TDP2: variants seen among roughly 807,000 people sequenced by gnomAD.
TDP2 encodes the protein tyrosyl-DNA phosphodiesterase 2.
TDP2 carries 38 observed loss-of-function variants against 42.8 expected under a neutral mutation model. The observed-to-expected ratio is 0.89, with a 90% CI of 0.68 to 1.16. TDP2 has a LOEUF of 1.16. Among genes scored for constraint, TDP2 ranks in the 50% most tolerant of loss-of-function variants. The pLI is 0.00. For synonymous variants in TDP2, 173 were observed against 150.6 expected, an observed-to-expected ratio of 1.15 and a Z score of -1.09; for missense variants, 439 against 439.3, an observed-to-expected ratio of 1.00 and a Z score of 0.01.
Position 24,658,607 on chromosome 6 carries a change from T to G in TDP2, c.379A>C (p.Asn127His). 6.2e-7 allele frequency: 1 copy of G among 1,613,912 alleles called. No homozygotes were observed. Among genetic ancestry groups the G allele is most frequent in the Non-Finnish European group, 8.5e-7 (1 of 1,179,846 alleles). Residue 127 changes from asparagine to histidine, a missense_variant, in exon 3 of 7, where the codon AAC becomes CAC. Asn to His is a moderately conservative substitution (Grantham distance 68). Coordinates refer to ENST00000378198, the MANE Select transcript of TDP2 (RefSeq NM_016614.3). Reference protein sequence around the residue: ...ITWNIDGLDLNNLSERARGVC... With the variant: ...ITWNIDGLDLHNLSERARGVC... Reference sequence around the variant, plus strand: ...CCTCGAGCCCTCTCTGACAGATTGTTTAGATCTAATCCATCAATATTCCAG... The same window carrying G: ...CCTCGAGCCCTCTCTGACAGATTGTGTAGATCTAATCCATCAATATTCCAG...
At chr6:24,655,062 GA>G (rs1010497408) in intron 4 of TDP2, among the ~76,000 whole-genome samples, 3 of 151,594 alleles carry the variant, frequency 2.0e-5, no homozygotes, top group African/African-American at 4.8e-5. Flanking sequence ...AAATAAAAAT[GA>G]AAAAAAATGT....
rs779834703 is a variant in TDP2 at position 24,654,456 on chromosome 6, GA to G, written c.591del (p.Pro198LeufsTer7). ...SRVKLKSQEI[I>X]PFPSTKMMRN... ...CTCATCATTTTGGTACTTGGAAAAG[GA>G]ATAATCTCTTGGCTTTTTAATTTCA... On this transcript the variant is annotated frameshift_variant, in exon 5 of 7. Transcript: ENST00000378198. LOFTEE classifies it high-confidence loss of function. 1.9e-6 allele frequency: 3 copies of G among 1,587,820 alleles called. No individual in the cohort carries two copies. The highest frequency in any genetic ancestry group is 3.5e-5 in the Admixed American group (2 of 56,458).
At chr6:24,651,894 C>A (rs1381971674) in intron 6 of TDP2, among the ~76,000 whole-genome samples, 2 of 152,136 alleles carry the variant, frequency 1.3e-5, no homozygotes, top group African/African-American at 4.8e-5. Context: ...GCCATTTTAA[C>A]AATTTTTAAG....
intron 6 of TDP2, among the ~76,000 whole-genome samples, chr6:24,652,136 G>A (rs1322689514): frequency 6.6e-6 from 1 of 152,094 alleles, no homozygotes; most frequent in African/African-American, 2.4e-5. Flanking sequence ...TTCCTTTTTG[G>A]ATTGGCTTCA....
chr6:24,657,914 A>C lies in TDP2; in HGVS notation c.426-11T>G. The C allele has an allele frequency of 6.7e-7, 1 of 1,496,356 alleles. No homozygotes were observed. The highest frequency in any genetic ancestry group is 9.1e-7 in the Non-Finnish European group (1 of 1,102,252). 92.7% of individuals were successfully genotyped at this position (1,496,356 alleles called of 1,614,324 possible). ...ACATCTGGGCTGTACCTAATGAAAAACATCAATTTATGACAAATACCAAGT... is the reference window on the plus strand; with the variant it reads ...ACATCTGGGCTGTACCTAATGAAAACCATCAATTTATGACAAATACCAAGT... On this transcript the variant is annotated splice_polypyrimidine_tract_variant and intron_variant, in intron 3 of 6. Coordinates refer to ENST00000378198, the MANE Select transcript of TDP2 (RefSeq NM_016614.3).
rs1778243628 is a variant in TDP2, at chr6:24,666,551, C to G, written c.226G>C (p.Glu76Gln). 6.2e-7 allele frequency: 1 copy of G among 1,614,014 alleles called. No individual in the cohort carries two copies. The highest frequency in any genetic ancestry group is 8.5e-7 in the Non-Finnish European group (1 of 1,179,974). ...VEESALERRPETISEPKTYVD... is the reference protein window; with the variant it reads ...VEESALERRPQTISEPKTYVD... ...TAGGTCTTGGGCTCAGAGATGGTTTCAGGTCGGCGTTCCAAGGCGCTCTCC... is the reference window on the plus strand; with the variant it reads ...TAGGTCTTGGGCTCAGAGATGGTTTGAGGTCGGCGTTCCAAGGCGCTCTCC... Residue 76 changes from glutamate (E) to glutamine (Q), a missense_variant, in exon 2 of 7, where the codon GAA (glutamate) becomes CAA (glutamine). Glu to Gln is a conservative substitution (Grantham distance 29, BLOSUM62 2). Coordinates refer to ENST00000378198, the MANE Select transcript of TDP2 (RefSeq NM_016614.3).
At chr6:24,666,250 A>C (rs1778232886) in intron 2 of TDP2, 6 of 1,542,724 alleles carry the variant, frequency 3.9e-6, no homozygotes. Context: ...TCGCTTACTT[A>C]TTTCCTTTCA....
At chr6:24,660,208 T>C (rs1778118522) in intron 2 of TDP2, among the ~76,000 whole-genome samples, 1 of 152,244 alleles carries the variant, frequency 6.6e-6, no homozygotes, top group Non-Finnish European at 1.5e-5. Flanking sequence ...ACCATTTGTT[T>C]AAATATTTTT....
intron 2 of TDP2, chr6:24,666,184 C>A: frequency 6.4e-7 from 1 of 1,550,522 alleles, no homozygotes; most frequent in Non-Finnish European, 8.7e-7. Context: ...AAGGAGACTT[C>A]CAAGTTGCCA....
At position 24,650,555 on chromosome 6, in the gene TDP2, A is replaced by G; in HGVS notation, c.*233T>C. The G allele has an allele frequency of 2.0e-6, 1 of 511,384 alleles. No individual in the cohort carries two copies. The allele number at this position is 511,384 out of a possible 1,614,324, so 31.7% of individuals were successfully genotyped here. Reference sequence around the variant, plus strand: ...GCTATAAGCACCGTTGAAAACTCTGACAGGCTTTGTGCCCTTTTTATTAAA... The same window carrying G: ...GCTATAAGCACCGTTGAAAACTCTGGCAGGCTTTGTGCCCTTTTTATTAAA... On this transcript the variant is annotated 3_prime_UTR_variant, in exon 7 of 7. Transcript: ENST00000378198.
Position 24,666,874 on chromosome 6 carries a change from C to G in TDP2, c.-12G>C. On this transcript the variant is annotated 5_prime_UTR_variant, in exon 1 of 7. Coordinates refer to ENST00000378198, the MANE Select transcript of TDP2 (RefSeq NM_016614.3). ...CTCCCCAACTCCATCTTCCTGCCGCCTCTGCACCGCCCCTTTAAGCGGAAC... is the reference window on the plus strand; with the variant it reads ...CTCCCCAACTCCATCTTCCTGCCGCGTCTGCACCGCCCCTTTAAGCGGAAC... 1 of 1,612,988 alleles carries G rather than the reference C, an allele frequency of 6.2e-7. No homozygotes were observed. Among genetic ancestry groups the G allele is most frequent in the South Asian group, 1.1e-5 (1 of 91,092 alleles).
At chr6:24,659,489 G>A (rs1480010084) in intron 2 of TDP2, among the ~76,000 whole-genome samples, 1 of 151,832 alleles carries the variant, frequency 6.6e-6, no homozygotes, top group African/African-American at 2.4e-5. Context: ...AGATACTTTT[G>A]GGTTCGTAGA....
At position 24,658,633 on chromosome 6, in the gene TDP2, G is replaced by A; in HGVS notation, c.353C>T (p.Thr118Ile). ...QENGSMFSLI[T>I]WNIDGLDLNN... ...TAGATCTAATCCATCAATATTCCAG[G>A]TAATGAGAGAGAACATGCTGCCATT... Residue 118 changes from threonine (T) to isoleucine (I), a missense_variant, in exon 3 of 7, where the codon ACC becomes ATC. Physicochemically the swap from Thr to Ile is moderately conservative, Grantham distance 89 (BLOSUM62 -1). Transcript: ENST00000378198. 1.9e-6 allele frequency: 3 copies of A among 1,613,932 alleles called. No homozygotes were observed. The highest frequency in any genetic ancestry group is 1.7e-6 in the Non-Finnish European group (2 of 1,179,872).
At chr6:24,659,018 C>A in intron 2 of TDP2, 1 of 270,666 alleles carries the variant, frequency 3.7e-6, no homozygotes, top group Non-Finnish European at 6.9e-6. Flanking sequence ...GGATCTCTGA[C>A]ATCAGAATCA....
chr6:24,654,441 T>C lies in TDP2; in HGVS notation c.607A>G (p.Lys203Glu). Residue 203 changes from lysine to glutamate, a missense_variant, in exon 5 of 7, where the codon AAA (lysine) becomes GAA (glutamate). Coordinates refer to ENST00000378198, the MANE Select transcript of TDP2 (RefSeq NM_016614.3). Reference protein sequence around the residue: ...SQEIIPFPSTKMMRNLLCVHV... With the variant: ...SQEIIPFPSTEMMRNLLCVHV... ...ACACATAAAAGGTTTCTCATCATTT[T>C]GGTACTTGGAAAAGGAATAATCTCT... 2.6e-6 allele frequency: 4 copies of C among 1,567,586 alleles called. No homozygotes were observed. The highest frequency in any genetic ancestry group is 1.2e-5 in the South Asian group (1 of 86,528).
intron 2 of TDP2, among the ~76,000 whole-genome samples, chr6:24,659,538 G>C (rs1354997152): frequency 2.0e-5 from 3 of 152,104 alleles, no homozygotes; most frequent in Admixed American, 6.6e-5. Context: ...TGCTCACTTA[G>C]GCAGTTATAA....
chr6:24,660,151 A>G (rs1047552117), intron 2 of TDP2, among the ~76,000 whole-genome samples: 4 of 152,222 alleles, frequency 2.6e-5, no homozygotes, highest in African/African-American at 7.2e-5. Flanking sequence ...TTCCTCAAAT[A>G]TTAACATTTT....
intron 2 of TDP2, among the ~76,000 whole-genome samples, chr6:24,664,645 G>C (rs571450166): frequency 2.6e-4 from 40 of 152,224 alleles, no homozygotes; most frequent in African/African-American, 7.5e-4. Flanking sequence ...AGTTTTTCTG[G>C]TCATAAAATC....
intron 2 of TDP2, among the ~76,000 whole-genome samples, chr6:24,662,222 C>T (rs1424606270): frequency 1.4e-4 from 21 of 151,984 alleles, no homozygotes; most frequent in Admixed American, 9.8e-4. Context: ...GACCGTCCCC[C>T]AGCCCGACAC....
Sources: gnomAD v4.1 joint callset for allele counts (sites outside exome capture counted in the v4.1 genomes callset) on GRCh38, gnomAD v4.1.1 for gene constraint, MANE v1.5 for transcripts, NCBI Gene and HGNC (gene_info 2026-07-23, HGNC 2026-07-21) for gene names.